Variants in CHKA observed in about 807,000 individuals in gnomAD.
The protein encoded by CHKA is CHETK-alpha.
In CHKA, 34 loss-of-function variants were observed where a neutral mutation model predicts 60.1. The observed-to-expected ratio is 0.57, with a 90% CI of 0.43 to 0.75. The LOEUF (loss-of-function observed/expected upper bound fraction) is 0.75, where lower values mean the gene tolerates loss of function less well. Ranked by LOEUF, CHKA falls within the 30% of genes least tolerant of loss-of-function variation. The pLI is 0.00. For synonymous variants in CHKA, 217 were observed against 223.1 expected (o/e 0.97, Z 0.24); for missense variants, 563 against 561.3 (o/e 1.00, Z -0.03).
chr11:68,092,012 AAAG>A (rs1857364728), intron 2 of CHKA, among the ~76,000 whole-genome samples: 2 of 152,222 alleles, frequency 1.3e-5, no homozygotes, highest in African/African-American at 4.8e-5. Flanking sequence ...AACATTTTTC[AAAG>A]AAGGAGTGAA....
intron 1 of CHKA, among the ~76,000 whole-genome samples, chr11:68,101,828 C>A (rs145908602): frequency 6.6e-6 from 1 of 152,150 alleles, no homozygotes; most frequent in African/African-American, 2.4e-5. Flanking sequence ...TGGCCAAGCG[C>A]GTGGCTGACG....
At chr11:68,065,938 A>T in intron 8 of CHKA, 44 bp from the exon 9 acceptor site, 3 of 1,371,640 alleles carry the variant, frequency 2.2e-6, no homozygotes, top group Non-Finnish European at 3.1e-6. Flanking sequence ...GGCAAACCGT[A>T]TGCCTGGAGG....
At chr11:68,090,473 T>G (rs1403316114) in intron 2 of CHKA, among the ~76,000 whole-genome samples, 3 of 152,190 alleles carry the variant, frequency 2.0e-5, no homozygotes, top group Admixed American at 2.0e-4. Flanking sequence ...GTGACCTTAG[T>G]AACATAAAGA....
chr11:68,092,115 T>C (rs777461341), intron 2 of CHKA, among the ~76,000 whole-genome samples: 36 of 152,290 alleles, frequency 2.4e-4, no homozygotes, highest in Admixed American at 4.6e-4. Context: ...CATACATGTA[T>C]AGGATATGTG....
chr11:68,072,640 A>G (rs1209178383), intron 4 of CHKA, among the ~76,000 whole-genome samples: 1 of 152,064 alleles, frequency 6.6e-6, no homozygotes, highest in Non-Finnish European at 1.5e-5. Context: ...GGTCAAAAAC[A>G]GTCAAACACC....
intron 1 of CHKA, among the ~76,000 whole-genome samples, chr11:68,106,932 CTG>C (rs1857936102): frequency 6.6e-6 from 1 of 152,108 alleles, no homozygotes; most frequent in Admixed American, 6.6e-5. Context: ...TAGATGCCAG[CTG>C]TACTACCACC....
At chr11:68,090,317 G>T (rs1857309941) in intron 2 of CHKA, among the ~76,000 whole-genome samples, 1 of 152,106 alleles carries the variant, frequency 6.6e-6, no homozygotes, top group Non-Finnish European at 1.5e-5. Context: ...AAAGTATAAG[G>T]GAATTTTTTT....
In CHKA at chr11:68,081,485, T is replaced by C. The variant is rs754249205; in HGVS notation, c.463-28A>G. ...ATGAATGAGAAAAAGGAAACACTTC[T>C]GGTGAGATGGGGAACACTAAACAGA... On this transcript the variant is annotated intron_variant, in intron 2 of 11. Transcript: ENST00000265689. 8.2e-6 allele frequency: 13 copies of C among 1,580,368 alleles called. No individual in the cohort carries two copies. The East Asian group carries it at 2.7e-4, about 33-fold the overall frequency.
At chr11:68,083,867 T>G (rs1223866201) in intron 2 of CHKA, among the ~76,000 whole-genome samples, 2 of 152,134 alleles carry the variant, frequency 1.3e-5, no homozygotes, top group Admixed American at 6.6e-5. Flanking sequence ...AAATAAGAAG[T>G]GTAAGACGAG....
chr11:68,082,363 C>G (rs981950568), intron 2 of CHKA: 1 of 152,550 alleles, frequency 6.6e-6, no homozygotes, highest in African/African-American at 2.4e-5. Context: ...CAAATACTGC[C>G]TCTAAAAATG....
intron 4 of CHKA, among the ~76,000 whole-genome samples, chr11:68,073,655 C>CA (rs1226538867): frequency 1.3e-5 from 2 of 152,166 alleles, no homozygotes; most frequent in African/African-American, 4.8e-5. Context: ...TCTGGGGAGA[C>CA]AGAGCACAAC....
intron 1 of CHKA, among the ~76,000 whole-genome samples, chr11:68,118,638 C>T (rs1030317424): frequency 6.6e-6 from 1 of 152,164 alleles, no homozygotes; most frequent in Non-Finnish European, 1.5e-5. Flanking sequence ...CCTAAATCAC[C>T]TTTTTTTCTC....
intron 7 of CHKA, among the ~76,000 whole-genome samples, chr11:68,068,383 C>G (rs541705979): frequency 3.5e-4 from 53 of 151,406 alleles, no homozygotes; most frequent in Non-Finnish European, 6.8e-4. Flanking sequence ...TCCCAGTTCC[C>G]AAGTTTAGTG....
At chr11:68,118,503 CATA>C (rs1044818086) in intron 1 of CHKA, among the ~76,000 whole-genome samples, 2 of 152,142 alleles carry the variant, frequency 1.3e-5, no homozygotes, top group Non-Finnish European at 2.9e-5. Context: ...TAGCTGGAGC[CATA>C]ATAACTGCAA....
chr11:68,070,696 G>A (rs773743414), intron 5 of CHKA, 28 bp downstream of exon 5: 1 of 1,604,580 alleles, frequency 6.2e-7, no homozygotes, highest in Non-Finnish European at 8.5e-7. Context: ...GTAAAACTAT[G>A]TTAGGACCAA....
chr11:68,089,847 C>G (rs918649324), intron 2 of CHKA: 30 of 152,148 alleles, frequency 2.0e-4, no homozygotes, highest in African/African-American at 7.2e-4. Flanking sequence ...CACCTGGAAA[C>G]CAGAGTGCTC....
At chr11:68,056,928 G>C (rs907294493) in intron 11 of CHKA, among the ~76,000 whole-genome samples, 3 of 152,164 alleles carry the variant, frequency 2.0e-5, no homozygotes, top group Non-Finnish European at 4.4e-5. Context: ...GAACCCGAGG[G>C]GAACGTGGGA....
chr11:68,095,480 T>C (rs1460721847), intron 2 of CHKA, among the ~76,000 whole-genome samples: 9 of 122,348 alleles, frequency 7.4e-5, no homozygotes, highest in Non-Finnish European at 1.1e-4. Context: ...GAGGCCAAGG[T>C]GGACGGATCA....
intron 1 of CHKA, among the ~76,000 whole-genome samples, chr11:68,098,567 G>A (rs1436551286): frequency 6.6e-6 from 1 of 152,126 alleles, no homozygotes; most frequent in Admixed American, 6.5e-5. Context: ...ACAACATTCT[G>A]GAGACGGATG....
Sources: allele counts gnomAD v4.1 joint callset (sites outside exome capture counted in the v4.1 genomes callset), GRCh38; gene constraint gnomAD v4.1.1; transcripts MANE v1.5; gene names NCBI Gene and HGNC (gene_info 2026-07-23, HGNC 2026-07-21).